NIPSNAP2: variants seen among roughly 807,000 people sequenced by gnomAD.
The protein encoded by NIPSNAP2 is nipsnap homolog 2.
Under a neutral mutation model 48.4 loss-of-function variants are expected in NIPSNAP2, and 42 were observed. That is an observed-to-expected ratio of 0.87 (90% confidence interval 0.68 to 1.12). The LOEUF is 1.12. Ranked by LOEUF, NIPSNAP2 falls within the 50% of genes most tolerant of loss-of-function variation. The pLI is 0.00. For missense variants in NIPSNAP2, 314 were observed against 347.3 expected, an observed-to-expected ratio of 0.90 and a Z score of 0.76; for synonymous variants, 158 against 126.6, an observed-to-expected ratio of 1.25 and a Z score of -1.67.
chr7:55,967,521 T>G (rs1169252870), intron 1 of NIPSNAP2, among the ~76,000 whole-genome samples: 2 of 150,996 alleles, frequency 1.3e-5, no homozygotes, highest in Non-Finnish European at 1.5e-5. Context: ...GGCTGGAGTT[T>G]AATGGCATGA....
chr7:55,990,711 A>G (rs1274947704), intron 7 of NIPSNAP2, among the ~76,000 whole-genome samples: 2 of 151,936 alleles, frequency 1.3e-5, no homozygotes, highest in Admixed American at 6.6e-5. Flanking sequence ...GTTACTTGAC[A>G]GCTCTCACCT....
chr7:55,985,829 C>T (rs1787318507), intron 7 of NIPSNAP2, among the ~76,000 whole-genome samples: 1 of 151,444 alleles, frequency 6.6e-6, no homozygotes, highest in South Asian at 2.1e-4. Flanking sequence ...GGGCAGATCA[C>T]CTGAAGTTAG....
At chr7:55,998,160 G>C (rs189097071) in intron 9 of NIPSNAP2, among the ~76,000 whole-genome samples, 8 of 152,004 alleles carry the variant, frequency 5.3e-5, no homozygotes, top group Admixed American at 5.3e-4. Context: ...CTCCATTTGA[G>C]AGACTGAGGC....
chr7:55,994,805 T>G, intron 7 of NIPSNAP2, 89 bp from the exon 8 acceptor site: 1 of 1,050,030 alleles, frequency 9.5e-7, no homozygotes. Flanking sequence ...TTAAACAGCC[T>G]GCCCTGAGTA....
chr7:55,981,661 A>C (rs933071558), intron 4 of NIPSNAP2, 94 bp downstream of exon 4: 18 of 729,006 alleles, frequency 2.5e-5, no homozygotes, highest in Non-Finnish European at 3.0e-5. Flanking sequence ...CTTATCATCA[A>C]AGCTTTCCAA....
Position 55,981,577 on chromosome 7 carries a change from G to A in NIPSNAP2, c.373+10G>A, listed in dbSNP as rs774704993. On this transcript the variant is annotated intron_variant, in intron 4 of 9. Transcript: ENST00000322090. Reference sequence around the variant, plus strand: ...GAGCAGGACCAAGCTGGTAGGAAGCGAAGTCTTTGGAATAAACACTTCTTC... The same window carrying A: ...GAGCAGGACCAAGCTGGTAGGAAGCAAAGTCTTTGGAATAAACACTTCTTC... 1.2e-5 allele frequency: 19 copies of A among 1,588,880 alleles called. No homozygotes were observed. In the East Asian group the frequency reaches 1.8e-4, roughly 15 times the overall value.
At chr7:55,984,177 G>A (rs1787279827) in intron 6 of NIPSNAP2, among the ~76,000 whole-genome samples, 1 of 152,162 alleles carries the variant, frequency 6.6e-6, no homozygotes, top group Non-Finnish European at 1.5e-5. Context: ...AAGGAGAGCA[G>A]CTAATAAACA....
At chr7:55,975,854 A>C (rs970444772) in intron 1 of NIPSNAP2, among the ~76,000 whole-genome samples, 2 of 152,180 alleles carry the variant, frequency 1.3e-5, no homozygotes, top group Non-Finnish European at 2.9e-5. Flanking sequence ...CCTGGCTAAC[A>C]TGGCAAAACC....
chr7:55,981,620 A>G, intron 4 of NIPSNAP2, 53 bp downstream of exon 4: 1 of 1,159,984 alleles, frequency 8.6e-7, no homozygotes. Context: ...CTTATGTAAC[A>G]CTTAAGTAAT....
chr7:55,967,089 T>G (rs1438543072), intron 1 of NIPSNAP2, among the ~76,000 whole-genome samples: 1 of 152,264 alleles, frequency 6.6e-6, no homozygotes, highest in African/African-American at 2.4e-5. Context: ...GTATTTCACT[T>G]AGTGCTGCTC....
At chr7:55,977,362 G>T (rs1382446227) in intron 1 of NIPSNAP2, among the ~76,000 whole-genome samples, 1 of 152,162 alleles carries the variant, frequency 6.6e-6, no homozygotes, top group Non-Finnish European at 1.5e-5. Flanking sequence ...CTGCACTCCA[G>T]CTTGGGCGAT....
intron 1 of NIPSNAP2, among the ~76,000 whole-genome samples, chr7:55,969,900 G>A (rs533107559): frequency 4.0e-5 from 6 of 150,934 alleles, no homozygotes; most frequent in East Asian, 2.0e-4. Flanking sequence ...GGAGAATGGC[G>A]TGAACCCGGG....
At chr7:55,974,837 G>A (rs1180218335) in intron 1 of NIPSNAP2, among the ~76,000 whole-genome samples, 3 of 130,088 alleles carry the variant, frequency 2.3e-5, no homozygotes, top group East Asian at 2.2e-4. Flanking sequence ...AACAGAGCGC[G>A]ACTCTGTCTT....
intron 7 of NIPSNAP2, among the ~76,000 whole-genome samples, chr7:55,986,983 TAAAA>T (rs71561981): frequency 5.5e-5 from 3 of 54,798 alleles, no homozygotes; most frequent in African/African-American, 2.4e-4. Flanking sequence ...CCTGTCTCTA[TAAAA>T]AAAAAAAAAA....
At chr7:55,975,741 T>C (rs1419456539) in intron 1 of NIPSNAP2, among the ~76,000 whole-genome samples, 1 of 152,116 alleles carries the variant, frequency 6.6e-6, no homozygotes, top group Non-Finnish European at 1.5e-5. Context: ...CATGGTTACA[T>C]AAAGTTCAGA....
intron 1 of NIPSNAP2, among the ~76,000 whole-genome samples, chr7:55,970,080 T>C (rs894787520): frequency 1.3e-5 from 2 of 151,908 alleles, no homozygotes; most frequent in Non-Finnish European, 2.9e-5. Flanking sequence ...CCTTCTTCAG[T>C]TTCCTCTTCC....
At position 55,996,831 on chromosome 7, in the gene NIPSNAP2, C is replaced by A. The variant is rs185461286; in HGVS notation, c.713-535C>A. On this transcript the variant is annotated intron_variant, in intron 8 of 9. Transcript: ENST00000322090. ...TCACTTGAGTCCAGGTGTTTGAGAC[C>A]AGCTCGGGCAACATAGTGAGACCCC... 5.7e-3 allele frequency among the ~76,000 whole-genome samples: 869 copies of A among 152,152 alleles called. 3 individuals are homozygous for A. Among genetic ancestry groups the A allele is most frequent in the Non-Finnish European group, 8.9e-3 (604 of 68,020 alleles).
chr7:55,973,609 G>A (rs1787053805), intron 1 of NIPSNAP2, among the ~76,000 whole-genome samples: 2 of 151,990 alleles, frequency 1.3e-5, no homozygotes, highest in South Asian at 4.2e-4. Flanking sequence ...TGAGTAGCTG[G>A]GATCACAGGC....
chr7:55,970,554 C>T (rs984676792), intron 1 of NIPSNAP2, among the ~76,000 whole-genome samples: 8 of 152,102 alleles, frequency 5.3e-5, no homozygotes, highest in African/African-American at 1.7e-4. Context: ...CCAGATGATC[C>T]GCCCACCTCG....
Sources: gnomAD v4.1 joint callset for allele counts (sites outside exome capture counted in the v4.1 genomes callset) on GRCh38, gnomAD v4.1.1 for gene constraint, MANE v1.5 for transcripts, NCBI Gene and HGNC (gene_info 2026-07-23, HGNC 2026-07-21) for gene names.